Variants in MSRA observed in about 807,000 individuals in gnomAD.
MSRA encodes mitochondrial peptide methionine sulfoxide reductase.
In MSRA, 54 loss-of-function variants were observed where a neutral mutation model predicts 31.3. That is an observed-to-expected ratio of 1.73 (90% CI 1.39 to 2.17). The LOEUF (loss-of-function observed/expected upper bound fraction) is 2.17. Among genes scored for constraint, MSRA ranks in the 30% most tolerant of loss-of-function variants. The pLI is 0.00. For synonymous variants in MSRA, 169 were observed against 116.5 expected (o/e 1.45, Z -2.90); for missense variants, 507 against 300.9 (o/e 1.69, Z -5.07).
chr8:10,341,073 A>G (rs1803397654), intron 5 of MSRA, among the ~76,000 whole-genome samples: 1 of 152,182 alleles, frequency 6.6e-6, no homozygotes, highest in African/African-American at 2.4e-5. Flanking sequence ...CCAGACTCCC[A>G]CTCAGACCTA....
intron 5 of MSRA, among the ~76,000 whole-genome samples, chr8:10,323,132 C>G (rs1199135750): frequency 1.3e-5 from 2 of 151,448 alleles, no homozygotes; most frequent in Admixed American, 1.3e-4. Flanking sequence ...GCTTAGTACC[C>G]GAGGAACTGA....
chr8:10,283,963 C>G (rs1240659155), intron 3 of MSRA, among the ~76,000 whole-genome samples: 1 of 151,136 alleles, frequency 6.6e-6, no homozygotes, highest in Non-Finnish European at 1.5e-5. Flanking sequence ...TATAAACATG[C>G]ATGTGCAAGT....
At chr8:10,315,733 C>T (rs1414660999) in intron 4 of MSRA, among the ~76,000 whole-genome samples, 2 of 152,156 alleles carry the variant, frequency 1.3e-5, no homozygotes, top group Non-Finnish European at 2.9e-5. Context: ...AAGATTTGGA[C>T]TTGCAATGAT....
intron 5 of MSRA, among the ~76,000 whole-genome samples, chr8:10,404,419 G>A (rs1278386947): frequency 2.0e-5 from 3 of 152,214 alleles, no homozygotes; most frequent in Non-Finnish European, 2.9e-5. Flanking sequence ...CCAACCCTCC[G>A]TGGGGAGGGG....
chr8:10,288,221 C>G (rs543316166), intron 3 of MSRA, among the ~76,000 whole-genome samples: 1 of 152,178 alleles, frequency 6.6e-6, no homozygotes, highest in South Asian at 2.1e-4. Context: ...TTAGACATTT[C>G]TCTCTTGTCT....
At chr8:10,421,475 C>T (rs1275161939) in intron 5 of MSRA, among the ~76,000 whole-genome samples, 3 of 152,028 alleles carry the variant, frequency 2.0e-5, no homozygotes, top group Non-Finnish European at 4.4e-5. Flanking sequence ...CTGCCAGGAG[C>T]CATCCTGCAT....
chr8:10,240,472 A>G (rs1196281046), intron 2 of MSRA, among the ~76,000 whole-genome samples: 1 of 152,184 alleles, frequency 6.6e-6, no homozygotes, highest in African/African-American at 2.4e-5. Context: ...TGCTTTGTGG[A>G]TGAGTGCCTC....
chr8:10,138,337 G>A (rs955597797), intron 1 of MSRA, among the ~76,000 whole-genome samples: 3 of 152,134 alleles, frequency 2.0e-5, no homozygotes, highest in East Asian at 1.9e-4. Context: ...TGGGAGCCGC[G>A]GGACACGGTG....
chr8:10,118,012 C>A (rs1018494858), intron 1 of MSRA, among the ~76,000 whole-genome samples: 2 of 152,140 alleles, frequency 1.3e-5, no homozygotes, highest in Non-Finnish European at 2.9e-5. Flanking sequence ...TTTCATCAGT[C>A]AGGAAAGATA....
At chr8:10,108,112 TC>T (rs1183746185) in intron 1 of MSRA, among the ~76,000 whole-genome samples, 5 of 152,196 alleles carry the variant, frequency 3.3e-5, no homozygotes, top group Non-Finnish European at 5.9e-5. Context: ...AGCCCAGACT[TC>T]TGCAAGTGAG....
chr8:10,423,000 C>A (rs1191135050), intron 5 of MSRA, among the ~76,000 whole-genome samples: 1 of 152,228 alleles, frequency 6.6e-6, no homozygotes, highest in African/African-American at 2.4e-5. Flanking sequence ...CTCCCTCTGT[C>A]CAGCACAGTG....
At chr8:10,371,577 C>T (rs886941664) in intron 5 of MSRA, among the ~76,000 whole-genome samples, 1 of 152,148 alleles carries the variant, frequency 6.6e-6, no homozygotes, top group Non-Finnish European at 1.5e-5. Context: ...CATTGGTCAT[C>T]AAGCAGAGAC....
intron 3 of MSRA, among the ~76,000 whole-genome samples, chr8:10,278,120 T>C (rs574992832): frequency 3.3e-5 from 5 of 152,232 alleles, no homozygotes; most frequent in African/African-American, 7.2e-5. Context: ...TCTACAGATA[T>C]CATTTTCAGA....
rs763672447 is a variant in MSRA, at chr8:10,207,825, T to G, written c.143-8T>G. 1 of 1,605,886 alleles carries G rather than the reference T, an allele frequency of 6.2e-7. No individual in the cohort carries two copies. The highest frequency in any genetic ancestry group is 1.1e-5 in the South Asian group (1 of 89,146). ...CTTAAACTTGCATTTCTTTTTTTTT[T>G]TTTCTAGCCAAACATCATGTCAATG... On this transcript the variant is annotated splice_region_variant and splice_polypyrimidine_tract_variant and intron_variant, in intron 1 of 5. Coordinates refer to ENST00000317173, the MANE Select transcript of MSRA (RefSeq NM_012331.5).
At chr8:10,221,054 T>C (rs116414362) in intron 2 of MSRA, among the ~76,000 whole-genome samples, 1 of 152,158 alleles carries the variant, frequency 6.6e-6, no homozygotes, top group Non-Finnish European at 1.5e-5. Context: ...AGTACAGATA[T>C]GCAGTGGGAT....
rs182793031 is a variant in MSRA at position 10,232,428 on chromosome 8, C to T, written c.212-12676C>T. 3.9e-5 allele frequency among the ~76,000 whole-genome samples: 6 copies of T among 152,248 alleles called. No homozygotes were observed. The East Asian group carries it at 9.7e-4, about 25-fold the overall frequency. On this transcript the variant is annotated intron_variant, in intron 2 of 5. Transcript: ENST00000317173. Reference sequence around the variant, plus strand: ...GGAGTGTACTAGTTAGTAGAACTTGCCCTAGCCAATTTATGTAGTGAACCC... The same window carrying T: ...GGAGTGTACTAGTTAGTAGAACTTGTCCTAGCCAATTTATGTAGTGAACCC...
intron 5 of MSRA, among the ~76,000 whole-genome samples, chr8:10,418,815 T>TAAAAAAAAAAAAAAAAAAAAAAAAA (rs71203323): frequency 1.5e-5 from 1 of 66,036 alleles, no homozygotes; most frequent in Non-Finnish European, 2.5e-5. Flanking sequence ...TTACTACGAC[T>TAAAAAAAAAAAAAAAAAAAAAAAAA]AAAAAAAAAA....
At chr8:10,211,353 C>T (rs1377923415) in intron 2 of MSRA, among the ~76,000 whole-genome samples, 5 of 152,176 alleles carry the variant, frequency 3.3e-5, no homozygotes, top group Non-Finnish European at 7.3e-5. Context: ...CTCCTTTTCT[C>T]TCTGGTTTTT....
chr8:10,215,526 C>A (rs183230572), intron 2 of MSRA, among the ~76,000 whole-genome samples: 280 of 152,312 alleles, frequency 1.8e-3, no homozygotes, highest in African/African-American at 6.2e-3. Context: ...CATCACTAGG[C>A]TCTATGGGAT....
Sources: gnomAD v4.1 joint callset for allele counts (sites outside exome capture counted in the v4.1 genomes callset) on GRCh38, gnomAD v4.1.1 for gene constraint, MANE v1.5 for transcripts, NCBI Gene and HGNC (gene_info 2026-07-23, HGNC 2026-07-21) for gene names.